Variants in OBI1 observed in about 807,000 individuals in gnomAD.
OBI1 encodes ring finger protein 219.
OBI1 carries 59 observed loss-of-function variants against 62.4 expected under a neutral mutation model. The observed-to-expected ratio is 0.95, with a 90% confidence interval of 0.77 to 1.17. OBI1 has a LOEUF of 1.17. OBI1 is among the 50% of genes most tolerant of loss of function. The pLI, the probability that OBI1 is intolerant of heterozygous loss-of-function variation, is 0.00. For synonymous variants in OBI1, 302 were observed against 292.8 expected, an observed-to-expected ratio of 1.03 and a Z score of -0.32; for missense variants, 875 against 830.9, an observed-to-expected ratio of 1.05 and a Z score of -0.65.
intron 5 of OBI1, among the ~76,000 whole-genome samples, chr13:78,621,414 G>A (rs1875508375): frequency 6.6e-6 from 1 of 152,172 alleles, no homozygotes; most frequent in African/African-American, 2.4e-5. Flanking sequence ...TCAGTGATTA[G>A]TCACTGTGCA....
intron 2 of OBI1, among the ~76,000 whole-genome samples, chr13:78,642,819 G>A (rs994033449): frequency 8.5e-5 from 13 of 152,214 alleles, no homozygotes; most frequent in African/African-American, 2.9e-4. Context: ...CCCGGGAGGC[G>A]GAGCTTGCAG....
In OBI1 at chr13:78,643,463, C is replaced by T. The variant is rs151193584; in HGVS notation, c.209-1250G>A. Among the ~76,000 whole-genome samples the T allele has an allele frequency of 2.8e-3, 425 of 152,276 alleles. 1 individual carries two copies. The highest frequency in any genetic ancestry group is 8.9e-3 in the African/African-American group (371 of 41,544). On this transcript the variant is annotated intron_variant, in intron 2 of 5. Coordinates refer to ENST00000282003, the MANE Select transcript of OBI1 (RefSeq NM_024546.4). ...AAGTCCTACTAGTTCTTCTTTTGCT[C>T]TGTAGCATATATATTCCTTTCTATT... is the stretch of plus-strand genomic sequence containing the variant.
intron 5 of OBI1, among the ~76,000 whole-genome samples, chr13:78,630,026 T>C (rs1458637850): frequency 6.6e-6 from 1 of 152,116 alleles, no homozygotes; most frequent in Non-Finnish European, 1.5e-5. Context: ...TAACAGCACA[T>C]GCTGTTTTCT....
intron 2 of OBI1, 123 bp from the exon 3 acceptor site, chr13:78,642,336 C>T (rs1566284022): frequency 1.7e-6 from 1 of 603,054 alleles, no homozygotes; most frequent in Non-Finnish European, 2.9e-6. Flanking sequence ...CTTACATACA[C>T]ACTTGGGGCT....
At chr13:78,634,748 A>T (rs1875968821) in intron 5 of OBI1, among the ~76,000 whole-genome samples, 1 of 152,244 alleles carries the variant, frequency 6.6e-6, no homozygotes, top group South Asian at 2.1e-4. Context: ...AACTATATGA[A>T]CATTAACTAT....
intron 5 of OBI1, among the ~76,000 whole-genome samples, chr13:78,634,087 CAAAAAACAAAAAA>C (rs1246392082): frequency 6.6e-5 from 8 of 122,038 alleles, no homozygotes; most frequent in Admixed American, 1.6e-4. Context: ...AAACAAAAAA[CAAAAAACAAAAAA>C]AAAAAACAAA....
intron 1 of OBI1, among the ~76,000 whole-genome samples, chr13:78,658,214 G>A (rs888693634): frequency 1.3e-5 from 2 of 152,124 alleles, no homozygotes; most frequent in Non-Finnish European, 2.9e-5. Flanking sequence ...ATAATTCAGG[G>A]TGGAAAAAAG....
chr13:78,658,592 A>G (rs1006592453), intron 1 of OBI1, among the ~76,000 whole-genome samples: 4 of 152,230 alleles, frequency 2.6e-5, no homozygotes, highest in Non-Finnish European at 5.9e-5. Context: ...CTCAATACAC[A>G]GCACCGTAGG....
chr13:78,636,569 T>C (rs1322640840), intron 4 of OBI1, among the ~76,000 whole-genome samples: 2 of 152,100 alleles, frequency 1.3e-5, no homozygotes, highest in African/African-American at 4.8e-5. Context: ...TAGAGAACAT[T>C]ATTTGGGGGC....
chr13:78,620,904 C>A (rs1050066008), intron 5 of OBI1, among the ~76,000 whole-genome samples: 1 of 152,194 alleles, frequency 6.6e-6, no homozygotes, highest in African/African-American at 2.4e-5. Flanking sequence ...TATCCTTGAG[C>A]AATTCACTTT....
chr13:78,628,433 T>C (rs1486772312), intron 5 of OBI1, among the ~76,000 whole-genome samples: 1 of 152,184 alleles, frequency 6.6e-6, no homozygotes, highest in African/African-American at 2.4e-5. Flanking sequence ...GATTGAATGA[T>C]CAGAAAAGGC....
At chr13:78,642,858 G>T (rs1258395781) in intron 2 of OBI1, among the ~76,000 whole-genome samples, 1 of 151,596 alleles carries the variant, frequency 6.6e-6, no homozygotes, top group Non-Finnish European at 1.5e-5. Flanking sequence ...CTGCACTCCA[G>T]CCTGGGCGAC....
At chr13:78,658,989 G>A (rs2137477736) in intron 1 of OBI1, 60 bp downstream of exon 1, 1 of 1,491,688 alleles carries the variant, frequency 6.7e-7, no homozygotes, top group Non-Finnish European at 9.3e-7. Context: ...GACGGCCCTC[G>A]GCCCCGGCGA....
chr13:78,633,374 C>T (rs1269544203), intron 5 of OBI1, among the ~76,000 whole-genome samples: 1 of 152,176 alleles, frequency 6.6e-6, no homozygotes, highest in East Asian at 1.9e-4. Flanking sequence ...TTATGGTTAG[C>T]TTCTGCCATT....
At chr13:78,658,772 TG>T (rs1233591149) in intron 1 of OBI1, among the ~76,000 whole-genome samples, 2 of 152,168 alleles carry the variant, frequency 1.3e-5, no homozygotes, top group Non-Finnish European at 2.9e-5. Context: ...GTCTTGCCAG[TG>T]TGAGGCCGCG....
In OBI1 at chr13:78,635,132, CT is replaced by C; in HGVS notation, c.615del (p.Val206LeufsTer21). The C allele has an allele frequency of 6.2e-7, 1 of 1,609,696 alleles. No individual in the cohort carries two copies. Among genetic ancestry groups the C allele is most frequent in the Non-Finnish European group, 8.5e-7 (1 of 1,177,042 alleles). ...TACTTTTGAGGTGATCTGTTATCAA[CT>C]TCAGCCTTCAGTCGTAAATTCTCCC... ...LVRENLRLKA[E>X]VDNRSPQKFG... On this transcript the variant is annotated frameshift_variant, in exon 5 of 6. Transcript: ENST00000282003. LOFTEE classifies it high-confidence loss of function.
chr13:78,629,737 C>T (rs1287189592), intron 5 of OBI1, among the ~76,000 whole-genome samples: 1 of 152,094 alleles, frequency 6.6e-6, no homozygotes, highest in Non-Finnish European at 1.5e-5. Flanking sequence ...TGTTTCTTAC[C>T]ATGTGGGGAT....
At position 78,614,536 on chromosome 13, in the gene OBI1, T is replaced by C. The variant is rs1273760953; in HGVS notation, c.*1044A>G. 6.6e-6 allele frequency: 1 copy of C among 152,662 alleles called. No individual in the cohort carries two copies. Among genetic ancestry groups the C allele is most frequent in the Admixed American group, 6.5e-5 (1 of 15,282 alleles). The allele number at this position is 152,662 out of a possible 1,614,324, so 9.5% of individuals were successfully genotyped here. ...CACTCTTCACAGAAAAGTTTTGTCC[T>C]ACATAAAAGATATTCTATCAGCCAA... On this transcript the variant is annotated 3_prime_UTR_variant, in exon 6 of 6. Transcript: ENST00000282003.
At chr13:78,645,124 G>A (rs969855533) in intron 1 of OBI1, 127 bp from the exon 2 acceptor site, 8 of 876,562 alleles carry the variant, frequency 9.1e-6, no homozygotes, top group African/African-American at 5.1e-5. Flanking sequence ...GATATCTAGC[G>A]CTTTTAAAAA....
Sources: allele counts gnomAD v4.1 joint callset (sites outside exome capture counted in the v4.1 genomes callset), GRCh38; gene constraint gnomAD v4.1.1; transcripts MANE v1.5; gene names NCBI Gene and HGNC (gene_info 2026-07-23, HGNC 2026-07-21).